KCNN2: variants seen among roughly 807,000 people sequenced by gnomAD.
KCNN2 encodes the protein small conductance calcium-activated potassium channel protein 2.
Under a neutral mutation model 55.5 loss-of-function variants are expected in KCNN2, and 24 were observed. The ratio of observed to expected loss-of-function variants is 0.43; its 90% CI spans 0.31 to 0.61. The LOEUF is 0.61. KCNN2 is among the 20% of genes least tolerant of loss of function. The probability of loss-of-function intolerance (pLI) is 0.08; values close to 1 mark genes in which losing one functional copy is unlikely to be tolerated. For missense variants in KCNN2, 754 were observed against 853.6 expected (o/e 0.88, Z 1.45); for synonymous variants, 431 against 336.1 (o/e 1.28, Z -3.09).
At chr5:114,440,602 T>C (rs897132617) in intron 3 of KCNN2, among the ~76,000 whole-genome samples, 10 of 142,850 alleles carry the variant, frequency 7.0e-5, no homozygotes, top group African/African-American at 2.1e-4. Flanking sequence ...AACTGAGGAG[T>C]TGGGTGACAT....
At chr5:114,229,323 T>C (rs1754308137) in intron 2 of KCNN2, among the ~76,000 whole-genome samples, 1 of 151,854 alleles carries the variant, frequency 6.6e-6, no homozygotes, top group South Asian at 2.1e-4. Context: ...TTTGCTTTTA[T>C]TATCTAGGAG....
chr5:114,494,554 C>T (rs1748020092), intron 7 of KCNN2, among the ~76,000 whole-genome samples: 1 of 151,798 alleles, frequency 6.6e-6, no homozygotes, highest in Admixed American at 6.6e-5. Context: ...AAAGATAGGG[C>T]AAGCTCCATC....
At chr5:114,164,768 T>C (rs1011050263) in intron 1 of KCNN2, among the ~76,000 whole-genome samples, 5 of 152,182 alleles carry the variant, frequency 3.3e-5, no homozygotes, top group African/African-American at 1.2e-4. Context: ...TTAGCTCCCT[T>C]TTTTATTAAG....
intron 2 of KCNN2, among the ~76,000 whole-genome samples, chr5:114,328,591 GT>G (rs1395164996): frequency 2.0e-5 from 3 of 152,170 alleles, no homozygotes; most frequent in African/African-American, 7.2e-5. Flanking sequence ...GTCTGTTTGA[GT>G]GACGGTTGTT....
intron 3 of KCNN2, among the ~76,000 whole-genome samples, chr5:114,441,299 G>T (rs777408793): frequency 6.6e-6 from 1 of 152,118 alleles, no homozygotes; most frequent in African/African-American, 2.4e-5. Context: ...GATTATAGAT[G>T]ATTTGAATAA....
intron 1 of KCNN2, among the ~76,000 whole-genome samples, chr5:114,105,290 G>A (rs545680673): frequency 2.3e-4 from 35 of 152,130 alleles, no homozygotes; most frequent in African/African-American, 8.2e-4. Context: ...CATAAACAGT[G>A]ATTTCAGGAA....
intron 1 of KCNN2, among the ~76,000 whole-genome samples, chr5:114,116,021 G>A (rs1408739626): frequency 6.6e-6 from 1 of 151,900 alleles, no homozygotes; most frequent in African/African-American, 2.4e-5. Context: ...AATAAAGGAG[G>A]GAGAATGCAG....
intron 1 of KCNN2, among the ~76,000 whole-genome samples, chr5:114,169,318 C>T (rs969454385): frequency 6.6e-6 from 1 of 152,058 alleles, no homozygotes; most frequent in African/African-American, 2.4e-5. Context: ...GCTTGGAAGA[C>T]AAGGCCAACC....
intron 2 of KCNN2, among the ~76,000 whole-genome samples, chr5:114,322,183 G>A (rs1756626980): frequency 6.6e-6 from 1 of 152,136 alleles, no homozygotes; most frequent in Non-Finnish European, 1.5e-5. Context: ...TAGTTTATTT[G>A]TAGAATCTAC....
intron 2 of KCNN2, among the ~76,000 whole-genome samples, chr5:114,288,778 A>G (rs1755817689): frequency 6.6e-6 from 1 of 152,132 alleles, no homozygotes; most frequent in South Asian, 2.1e-4. Context: ...TGTTAGATAT[A>G]TGATTTGCAA....
At chr5:114,389,684 A>T (rs564891342) in intron 2 of KCNN2, among the ~76,000 whole-genome samples, 94 of 152,290 alleles carry the variant, frequency 6.2e-4, no homozygotes, top group Non-Finnish European at 1.1e-3. Flanking sequence ...CAGAATGAAA[A>T]ATATCTAACT....
chr5:114,364,908 C>G (rs990010574), intron 2 of KCNN2, among the ~76,000 whole-genome samples: 1 of 147,880 alleles, frequency 6.8e-6, no homozygotes, highest in Non-Finnish European at 1.5e-5. Flanking sequence ...TTTTTTTTTT[C>G]TTTTTTGAGC....
chr5:114,252,031 A>C (rs1379592985), intron 2 of KCNN2, among the ~76,000 whole-genome samples: 1 of 150,954 alleles, frequency 6.6e-6, no homozygotes, highest in Non-Finnish European at 1.5e-5. Context: ...GGCATGCCCC[A>C]CCAAGCCCGG....
intron 1 of KCNN2, among the ~76,000 whole-genome samples, chr5:114,090,575 A>ATG (rs1368594537): frequency 1.0e-5 from 1 of 99,680 alleles, no homozygotes; most frequent in Non-Finnish European, 2.4e-5. Context: ...ATATATATGT[A>ATG]TGTATATATA....
At chr5:114,276,369 A>G (rs1260771473) in intron 2 of KCNN2, among the ~76,000 whole-genome samples, 1 of 152,138 alleles carries the variant, frequency 6.6e-6, no homozygotes, top group Non-Finnish European at 1.5e-5. Context: ...GCTGAGTTCA[A>G]GTATTGGATA....
At chr5:114,258,537 C>T (rs755248510) in intron 2 of KCNN2, among the ~76,000 whole-genome samples, 4 of 151,810 alleles carry the variant, frequency 2.6e-5, no homozygotes, top group Admixed American at 2.6e-4. Flanking sequence ...TTGGTTTGCT[C>T]GAGATTTCTA....
intron 1 of KCNN2, among the ~76,000 whole-genome samples, chr5:114,155,782 C>T (rs1243397940): frequency 6.6e-6 from 1 of 152,130 alleles, no homozygotes; most frequent in Non-Finnish European, 1.5e-5. Flanking sequence ...GGATATTAGA[C>T]CTTTGTCAGA....
At chr5:114,354,466 G>A (rs1757264085) in intron 2 of KCNN2, among the ~76,000 whole-genome samples, 1 of 152,064 alleles carries the variant, frequency 6.6e-6, no homozygotes, top group African/African-American at 2.4e-5. Flanking sequence ...GGCTAAAACT[G>A]CTACAGCTCT....
At chr5:114,143,081 C>T (rs995986118) in intron 1 of KCNN2, among the ~76,000 whole-genome samples, 2 of 151,978 alleles carry the variant, frequency 1.3e-5, no homozygotes, top group African/African-American at 4.8e-5. Flanking sequence ...GGGGTCACCG[C>T]CTTCTGGTCC....
Sources: allele counts gnomAD v4.1 joint callset (sites outside exome capture counted in the v4.1 genomes callset), GRCh38; gene constraint gnomAD v4.1.1; transcripts MANE v1.5; gene names NCBI Gene and HGNC (gene_info 2026-07-23, HGNC 2026-07-21).